The following CDKAL1 variants were observed in gnomAD, a reference collection of about 807,000 sequenced individuals.
CDKAL1 encodes CDKAL1 threonylcarbamoyladenosine tRNA methylthiotransferase, also known as threonylcarbamoyladenosine tRNA methylthiotransferase.
CDKAL1 carries 32 observed loss-of-function variants against 68.2 expected under a neutral mutation model. That is an observed-to-expected ratio of 0.47 (90% CI 0.35 to 0.63). The LOEUF (loss-of-function observed/expected upper bound fraction) is 0.63, where lower values mean the gene tolerates loss of function less well. CDKAL1 is among the 30% of genes least tolerant of loss of function. The probability of loss-of-function intolerance (pLI) is 0.00; values close to 1 mark genes in which losing one functional copy is unlikely to be tolerated. For synonymous variants in CDKAL1, 234 were observed against 244.3 expected (o/e 0.96, Z 0.39); for missense variants, 606 against 696.7 (o/e 0.87, Z 1.47).
Position 20,701,234 on chromosome 6 carries a change from C to T in CDKAL1, c.372-38285C>T, listed in dbSNP as rs184316188. 5.3e-5 allele frequency among the ~76,000 whole-genome samples: 8 copies of T among 150,050 alleles called. No homozygotes were observed. In the East Asian group the frequency reaches 1.6e-3, roughly 29 times the overall value. On this transcript the variant is annotated intron_variant, in intron 5 of 15. Coordinates refer to ENST00000274695, the MANE Select transcript of CDKAL1 (RefSeq NM_017774.3). ...GGATAGGGTTCTGATGACTTATGGG[C>T]TCAATCTCACCTATACATGAAGTTG...
At chr6:20,801,939 A>G in intron 8 of CDKAL1, among the ~76,000 whole-genome samples, 1 of 152,210 alleles carries the variant, frequency 6.6e-6, no homozygotes, top group East Asian at 1.9e-4. Flanking sequence ...CAACAACTTG[A>G]TAAAATATTT....
chr6:20,683,263 A>T (rs959045577), intron 5 of CDKAL1, among the ~76,000 whole-genome samples: 2 of 152,216 alleles, frequency 1.3e-5, no homozygotes, highest in East Asian at 3.8e-4. Context: ...AACATAGTTC[A>T]TTTTAAAACC....
At chr6:21,174,388 T>C (rs1389414585) in intron 13 of CDKAL1, among the ~76,000 whole-genome samples, 1 of 152,156 alleles carries the variant, frequency 6.6e-6, no homozygotes, top group Non-Finnish European at 1.5e-5. Context: ...TAGTACAAAG[T>C]AGTAAAAAAC....
intron 9 of CDKAL1, among the ~76,000 whole-genome samples, chr6:20,923,139 T>G (rs943132632): frequency 6.6e-6 from 1 of 152,166 alleles, no homozygotes; most frequent in Non-Finnish European, 1.5e-5. Context: ...CAGGCTGGTC[T>G]TGAACTCCTG....
chr6:20,943,328 CA>C (rs34759060), intron 9 of CDKAL1, among the ~76,000 whole-genome samples: 13,173 of 50,890 alleles, frequency 0.26, 1,140 homozygotes, highest in African/African-American at 0.37. Flanking sequence ...CTTGTTTTTT[CA>C]AAAAAAAAAA....
chr6:21,044,596 C>A (rs1426963085), intron 11 of CDKAL1, among the ~76,000 whole-genome samples: 1 of 152,128 alleles, frequency 6.6e-6, no homozygotes, highest in Non-Finnish European at 1.5e-5. Flanking sequence ...TAAATGCTAA[C>A]TTTATGTTGA....
intron 2 of CDKAL1, among the ~76,000 whole-genome samples, chr6:20,540,975 A>G (rs950342510): frequency 6.6e-6 from 1 of 152,162 alleles, no homozygotes; most frequent in Non-Finnish European, 1.5e-5. Flanking sequence ...GGGGCATTCT[A>G]ATGGTGAGAA....
chr6:21,153,449 A>G (rs1015061458), intron 13 of CDKAL1, among the ~76,000 whole-genome samples: 1 of 152,146 alleles, frequency 6.6e-6, no homozygotes, highest in Non-Finnish European at 1.5e-5. Context: ...ATCAATAGTA[A>G]TATTTTATCT....
intron 4 of CDKAL1, among the ~76,000 whole-genome samples, chr6:20,588,602 G>C (rs781266352): frequency 2.2e-4 from 34 of 152,170 alleles, no homozygotes; most frequent in Non-Finnish European, 4.3e-4. Flanking sequence ...ACGTTCGGTA[G>C]CTCTAAGGTG....
intron 4 of CDKAL1, among the ~76,000 whole-genome samples, chr6:20,578,284 G>A (rs1764995379): frequency 6.6e-6 from 1 of 151,924 alleles, no homozygotes; most frequent in Admixed American, 6.6e-5. Context: ...CCCCAAACAA[G>A]GTAGGGGATA....
In CDKAL1 at chr6:21,097,267, C is replaced by T. The variant is rs191163038; in HGVS notation, c.1237-11134C>T. Among the ~76,000 whole-genome samples, 417 of 152,206 alleles carry T rather than the reference C, an allele frequency of 2.7e-3. 5 individuals are homozygous for T. The highest frequency in any genetic ancestry group is 0.025 in the Admixed American group (388 of 15,286). ...GTTGGATTACCTGAGGTCAGGAGTT[C>T]AAGACCAGCCTGACCAACAGGGTGA... On this transcript the variant is annotated intron_variant, in intron 12 of 15. Coordinates refer to ENST00000274695, the MANE Select transcript of CDKAL1 (RefSeq NM_017774.3).
At chr6:20,576,801 G>T (rs1764934416) in intron 4 of CDKAL1, among the ~76,000 whole-genome samples, 1 of 152,258 alleles carries the variant, frequency 6.6e-6, no homozygotes, top group Non-Finnish European at 1.5e-5. Flanking sequence ...GCTTTTCTCT[G>T]TGTGTGGCGT....
chr6:20,961,385 A>G (rs1381216758), intron 10 of CDKAL1, among the ~76,000 whole-genome samples: 1 of 152,202 alleles, frequency 6.6e-6, no homozygotes, highest in Non-Finnish European at 1.5e-5. Flanking sequence ...TGGGAGCTAA[A>G]TAATGAGAAC....
At chr6:21,001,931 A>C (rs1407855944) in intron 11 of CDKAL1, among the ~76,000 whole-genome samples, 1 of 152,210 alleles carries the variant, frequency 6.6e-6, no homozygotes, top group Non-Finnish European at 1.5e-5. Flanking sequence ...TGCAGAATAG[A>C]CTAGAACACT....
At chr6:20,998,409 C>G (rs548692079) in intron 10 of CDKAL1, among the ~76,000 whole-genome samples, 2 of 152,130 alleles carry the variant, frequency 1.3e-5, no homozygotes, top group South Asian at 4.2e-4. Flanking sequence ...GTCGGGAGTT[C>G]AAGACCAGCC....
intron 5 of CDKAL1, among the ~76,000 whole-genome samples, chr6:20,654,713 A>G (rs113667448): frequency 0.01 from 1,592 of 152,000 alleles, 29 homozygotes; most frequent in African/African-American, 0.036. Flanking sequence ...TTTAAGTTCT[A>G]TTCTTTCTTC....
intron 12 of CDKAL1, among the ~76,000 whole-genome samples, chr6:21,066,946 G>A (rs1771479331): frequency 6.6e-6 from 1 of 152,032 alleles, no homozygotes; most frequent in African/African-American, 2.4e-5. Flanking sequence ...ACCCTTTTTT[G>A]TAATCATCTT....
intron 9 of CDKAL1, among the ~76,000 whole-genome samples, chr6:20,884,570 C>G (rs1384055112): frequency 1.3e-5 from 2 of 152,198 alleles, no homozygotes; most frequent in Non-Finnish European, 2.9e-5. Context: ...AACAGTCTCT[C>G]TTCACAGATA....
At chr6:20,739,673 C>A in intron 6 of CDKAL1, 58 bp downstream of exon 6, 1 of 905,754 alleles carries the variant, frequency 1.1e-6, no homozygotes, top group Non-Finnish European at 1.8e-6. Flanking sequence ...CCTGTAATAG[C>A]TCCGCATTTT....
Sources: gnomAD v4.1 joint callset for allele counts (sites outside exome capture counted in the v4.1 genomes callset) on GRCh38, gnomAD v4.1.1 for gene constraint, MANE v1.5 for transcripts, NCBI Gene and HGNC (gene_info 2026-07-23, HGNC 2026-07-21) for gene names.